Variants in KLF16 observed in about 807,000 individuals in gnomAD.
KLF16 encodes KLF transcription factor 16.
KLF16 carries 6 observed loss-of-function variants against 6.1 expected under a neutral mutation model. The observed-to-expected ratio is 0.98, with a 90% CI of 0.54 to 1.93. The LOEUF is 1.93. KLF16 is among the 30% of genes most tolerant of loss of function. The probability of loss-of-function intolerance (pLI) is 0.01; values close to 1 mark genes in which losing one functional copy is unlikely to be tolerated. For missense variants in KLF16, 355 were observed against 363.8 expected, an observed-to-expected ratio of 0.98 and a Z score of 0.20; for synonymous variants, 211 against 176.5, an observed-to-expected ratio of 1.20 and a Z score of -1.55.
At chr19:1,876,513 TCTG>T in the KLF16 span, among the ~76,000 whole-genome samples, 2 of 152,188 alleles carry the variant, frequency 1.3e-5, no homozygotes, top group Non-Finnish European at 2.9e-5. Flanking sequence ...GCCACCGCCC[TCTG>T]CTGGACCCCA....
intron 1 of KLF16, chr19:1,862,714 A>AAAC: frequency 3.2e-6 from 1 of 309,424 alleles, no homozygotes; most frequent in Non-Finnish European, 5.9e-6. Context: ...CCAGAACGCA[A>AAAC]AAGAAAAAAA....
chr19:1,874,310 G>A, the KLF16 span, among the ~76,000 whole-genome samples: 1 of 152,106 alleles, frequency 6.6e-6, no homozygotes, highest in Non-Finnish European at 1.5e-5. Flanking sequence ...CTGGAAAACT[G>A]GGATAAGAGT....
upstream of KLF16, among the ~76,000 whole-genome samples, chr19:1,865,066 C>G (rs1372240098): frequency 1.3e-5 from 2 of 152,236 alleles, no homozygotes; most frequent in Non-Finnish European, 1.5e-5. Context: ...TTCCCTGGGT[C>G]GCCCGCACTG....
chr19:1,871,048 C>G, the KLF16 span, among the ~76,000 whole-genome samples: 1 of 152,026 alleles, frequency 6.6e-6, no homozygotes, highest in East Asian at 1.9e-4. Context: ...GGGTTGTGCA[C>G]TGTACTGCTG....
chr19:1,866,339 G>C (rs1040646757), upstream of KLF16, among the ~76,000 whole-genome samples: 6 of 135,776 alleles, frequency 4.4e-5, no homozygotes, highest in African/African-American at 1.7e-4. Flanking sequence ...GGCCAGTCAT[G>C]GTGGCTCACG....
upstream of KLF16, among the ~76,000 whole-genome samples, chr19:1,866,465 T>C (rs559646698): frequency 2.6e-5 from 4 of 151,730 alleles, no homozygotes; most frequent in Non-Finnish European, 1.5e-5. Context: ...ACAAAAAAAA[T>C]TAGCCGGGCC....
At chr19:1,861,944 C>G (rs1293268589) in intron 1 of KLF16, 3 of 152,246 alleles carry the variant, frequency 2.0e-5, no homozygotes, top group Non-Finnish European at 4.4e-5. Flanking sequence ...TGTCCAGCTG[C>G]CCAAAGCGGC....
rs2011971311 is a variant in KLF16 at position 1,857,195 on chromosome 19, C to A, written c.458-2435G>T. Among the ~76,000 whole-genome samples, 1 of 152,178 alleles carries A rather than the reference C, an allele frequency of 6.6e-6. No homozygotes were observed. The highest frequency in any genetic ancestry group is 1.5e-5 in the Non-Finnish European group (1 of 68,012). Reference sequence around the variant, plus strand: ...CACGTGGGTGGCGGGGCAGGGGGTGCACGGGCTACCCACCCACGCTGCGCT... The same window carrying A: ...CACGTGGGTGGCGGGGCAGGGGGTGAACGGGCTACCCACCCACGCTGCGCT... On this transcript the variant is annotated intron_variant, in intron 1 of 1. Transcript: ENST00000250916. This position sits in a 1 kb window ranked among gnomAD's most constrained non-coding sequence, Gnocchi z 4.7.
chr19:1,862,759 TG>T, intron 1 of KLF16: 1 of 358,224 alleles, frequency 2.8e-6, no homozygotes. Flanking sequence ...GGGAGAGAGG[TG>T]GTCTGCCCAG....
upstream of KLF16, among the ~76,000 whole-genome samples, chr19:1,864,934 G>C (rs748167516): frequency 3.3e-5 from 5 of 152,186 alleles, no homozygotes; most frequent in Non-Finnish European, 7.4e-5. Flanking sequence ...AGCTGCTTTG[G>C]CCTGCGGCGA....
chr19:1,866,978 G>A (rs573773342), upstream of KLF16, among the ~76,000 whole-genome samples: 6 of 152,174 alleles, frequency 3.9e-5, no homozygotes, highest in East Asian at 3.9e-4. Context: ...CCCTGACAGC[G>A]CCCAAGAGGA....
the KLF16 span, among the ~76,000 whole-genome samples, chr19:1,869,762 A>C: frequency 1.3e-5 from 2 of 151,986 alleles, no homozygotes; most frequent in Non-Finnish European, 2.9e-5. Flanking sequence ...GCACACCGCC[A>C]CGCCCGGCTA....
intron 1 of KLF16, among the ~76,000 whole-genome samples, chr19:1,855,582 AACCAGCCGTC>A (rs2011933477): frequency 1.3e-5 from 2 of 152,186 alleles, no homozygotes. Context: ...TCCTGCCCCT[AACCAGCCGTC>A]ACCATCTGGG....
In KLF16 at chr19:1,854,442, T is replaced by G. The variant is rs1488244996; in HGVS notation, c.*17A>C. ...GGCAGAAGCATCCTGGCGGTCAGGG[T>G]GGGCTGCACGAGGGCCCTACAGGCC... On this transcript the variant is annotated 3_prime_UTR_variant, in exon 2 of 2. Transcript: ENST00000250916. The G allele has an allele frequency of 2.9e-6, 4 of 1,393,862 alleles. No individual in the cohort carries two copies. The highest frequency in any genetic ancestry group is 3.7e-6 in the Non-Finnish European group (4 of 1,083,698). The allele number at this position is 1,393,862 out of a possible 1,614,324, so 86.3% of individuals were successfully genotyped here.
upstream of KLF16, among the ~76,000 whole-genome samples, chr19:1,867,228 G>A (rs549578633): frequency 5.9e-4 from 90 of 152,304 alleles, no homozygotes; most frequent in South Asian, 2.7e-3. Flanking sequence ...TCACATAACC[G>A]GGGGTGCACC....
chr19:1,868,461 C>CA (rs1201045094), upstream of KLF16, among the ~76,000 whole-genome samples: 1 of 110,044 alleles, frequency 9.1e-6, no homozygotes, highest in Non-Finnish European at 1.9e-5. Context: ...CAGATTAGGG[C>CA]TTTTTTTTTT....
chr19:1,863,416 C>A lies in KLF16; in HGVS notation c.82G>T (p.Gly28Trp). 1.0e-6 allele frequency: 1 copy of A among 1,001,646 alleles called. No individual in the cohort carries two copies. The highest frequency in any genetic ancestry group is 3.9e-5 in the South Asian group (1 of 25,900). 62.0% of individuals were successfully genotyped at this position (1,001,646 alleles called of 1,614,324 possible). The change falls in exon 1 of 2, where the codon GGG becomes TGG. Residue 28 changes from glycine (G) to tryptophan (W), a missense_variant. Transcript: ENST00000250916. ...CCCGCGCCCTCGGGGCCGGGCCGCC[C>A]GCGGTGCACCACGGCGCCCGAAGAG... ...AISSGAVVHR[G>W]RPGPEGAGPA... is the part of the protein sequence containing the mutation.
At chr19:1,869,939 T>C in the KLF16 span, among the ~76,000 whole-genome samples, 1 of 140,772 alleles carries the variant, frequency 7.1e-6, no homozygotes, top group Non-Finnish European at 1.5e-5. Flanking sequence ...TCTTTTTTTT[T>C]TTTTTTTTTT....
At chr19:1,872,022 C>T in the KLF16 span, among the ~76,000 whole-genome samples, 1 of 152,168 alleles carries the variant, frequency 6.6e-6, no homozygotes, top group Non-Finnish European at 1.5e-5. Context: ...TGCACAGAGT[C>T]GGGAGGGGAC....
Sources: allele counts gnomAD v4.1 joint callset (sites outside exome capture counted in the v4.1 genomes callset), GRCh38; gene constraint gnomAD v4.1.1; non-coding constraint Gnocchi (gnomAD v3.1); transcripts MANE v1.5; gene names NCBI Gene and HGNC (gene_info 2026-07-23, HGNC 2026-07-21).